The following UACA variants were observed in gnomAD, a reference collection of about 807,000 sequenced individuals.
The protein encoded by UACA is uveal autoantigen with coiled-coil domains and ankyrin repeats, also known as nuclear membrane binding protein.
In UACA, 112 loss-of-function variants were observed where a neutral mutation model predicts 160.5. The ratio of observed to expected loss-of-function variants is 0.70; its 90% CI spans 0.60 to 0.82. The LOEUF is 0.82. Ranked by LOEUF, UACA falls within the 40% of genes least tolerant of loss-of-function variation. The probability of loss-of-function intolerance (pLI) is 0.00; values close to 1 mark genes in which losing one functional copy is unlikely to be tolerated. For missense variants in UACA, 1,574 were observed against 1,614.6 expected (o/e 0.97, Z 0.43); for synonymous variants, 557 against 568.4 (o/e 0.98, Z 0.29).
In UACA at chr15:70,682,784, A is replaced by G. The variant is rs748578187; in HGVS notation, c.796T>C (p.Trp266Arg). 3.0e-5 allele frequency: 47 copies of G among 1,567,494 alleles called. No individual in the cohort carries two copies. Among genetic ancestry groups the G allele is most frequent in the Non-Finnish European group, 4.1e-5 (47 of 1,158,500 alleles). Residue 266 changes from tryptophan (W) to arginine (R), a missense_variant, in exon 9 of 19, where the codon TGG becomes CGG. By Grantham distance (101) the Trp-to-Arg change is moderately radical (BLOSUM62 -3). Transcript: ENST00000322954. ...TGTTGCAAAGATGGCCCTTTCTTCC[A>G]AAGTTCTCTCCCTAAGATTTAGAGA... ...SENTNKGREL[W>R]KKGPSLQQRN...
chr15:70,755,999 C>T (rs1239313852), intron 1 of UACA, among the ~76,000 whole-genome samples: 1 of 152,098 alleles, frequency 6.6e-6, no homozygotes, highest in Non-Finnish European at 1.5e-5. Context: ...CAATTTATAC[C>T]GACTTCTATA....
At chr15:70,770,741 G>T in the UACA span, among the ~76,000 whole-genome samples, 1 of 152,228 alleles carries the variant, frequency 6.6e-6, no homozygotes, top group South Asian at 2.1e-4. Context: ...TCAAGACATC[G>T]CATTTTAAGG....
In UACA at chr15:70,657,126, C is replaced by T. The variant is rs1157456909; in HGVS notation, c.4181G>A (p.Gly1394Asp). The T allele has an allele frequency of 6.2e-7, 1 of 1,613,566 alleles. No homozygotes were observed. The highest frequency in any genetic ancestry group is 1.7e-5 in the Admixed American group (1 of 59,996). The change falls in exon 19 of 19, where the codon GGT becomes GAT. Residue 1394 changes from glycine to aspartate, a missense_variant and splice_region_variant. Physicochemically the swap from Gly to Asp is moderately conservative, Grantham distance 94. Transcript: ENST00000322954. Reference sequence around the variant, plus strand: ...CTCCTGAACATCTTCATCCATGTGACCCTTCGGAGAAAGAAGAAAGAGGAG... The same window carrying T: ...CTCCTGAACATCTTCATCCATGTGATCCTTCGGAGAAAGAAGAAAGAGGAG... The part of the protein sequence containing the change: ...YRTHLLSAAQ[G>D]HMDEDVQEAL...
intron 1 of UACA, among the ~76,000 whole-genome samples, chr15:70,738,197 T>G (rs907969917): frequency 6.6e-6 from 1 of 152,058 alleles, no homozygotes; most frequent in African/African-American, 2.4e-5. Flanking sequence ...AAATCAGAAT[T>G]ACAATCACTT....
At chr15:70,716,455 T>C (rs546488549) in intron 1 of UACA, among the ~76,000 whole-genome samples, 1 of 152,268 alleles carries the variant, frequency 6.6e-6, no homozygotes, top group Non-Finnish European at 1.5e-5. Context: ...ATAAAATAGT[T>C]GTTATAAGCC....
At chr15:70,659,391 G>GTTTTTTTTTTTTTTTT (rs1375150038) in intron 18 of UACA, among the ~76,000 whole-genome samples, 17 of 9,958 alleles carry the variant, frequency 1.7e-3, no homozygotes, top group South Asian at 5.6e-3. Context: ...TTCATTTTTT[G>GTTTTTTTTTTTTTTTT]TTTGTTTTTT....
At chr15:70,677,211 G>T in intron 11 of UACA, 71 bp from the exon 12 acceptor site, 2 of 1,206,604 alleles carry the variant, frequency 1.7e-6, no homozygotes, top group Non-Finnish European at 2.4e-6. Context: ...ACTTGGCAAA[G>T]ATATTTTAAA....
chr15:70,706,928 A>G (rs1427723486), intron 1 of UACA, among the ~76,000 whole-genome samples: 1 of 152,208 alleles, frequency 6.6e-6, no homozygotes, highest in South Asian at 2.1e-4. Context: ...TTTTGCAGAA[A>G]TAGAAAAGTA....
rs1897423469 is a variant in UACA at position 70,679,665 on chromosome 15, T to C, written c.834A>G (p.Thr278=). ...TCACATTTACTTCATCTTGCATGTG[T>C]GTCAAATTTCGCTTTGGTAAAACAT... ...KGPSLQQRNL[T]HMQDEVNVKS... is the part of the protein sequence containing the mutation. The change falls in exon 10 of 19, where the codon ACA becomes ACG. Residue 278 remains threonine (T), a synonymous_variant. Coordinates refer to ENST00000322954, the MANE Select transcript of UACA (RefSeq NM_018003.4). 1.3e-6 allele frequency: 2 copies of C among 1,589,576 alleles called. No individual in the cohort carries two copies. Among genetic ancestry groups the C allele is most frequent in the Non-Finnish European group, 1.7e-6 (2 of 1,168,266 alleles).
At chr15:70,703,942 T>C (rs768065199) in intron 1 of UACA, among the ~76,000 whole-genome samples, 1 of 152,154 alleles carries the variant, frequency 6.6e-6, no homozygotes, top group Non-Finnish European at 1.5e-5. Context: ...GACCTCTACA[T>C]CTAAACGGCC....
intron 13 of UACA, among the ~76,000 whole-genome samples, chr15:70,675,397 T>C (rs1390641359): frequency 6.6e-6 from 1 of 152,244 alleles, no homozygotes; most frequent in Non-Finnish European, 1.5e-5. Flanking sequence ...CACATAAATA[T>C]GTACACATAT....
the UACA span, among the ~76,000 whole-genome samples, chr15:70,771,086 G>C: frequency 2.0e-5 from 3 of 152,152 alleles, no homozygotes; most frequent in Admixed American, 2.0e-4. Context: ...GTAGCTGTGC[G>C]GTCTATGCCA....
chr15:70,665,097 T>C (rs534259663), intron 16 of UACA, among the ~76,000 whole-genome samples: 2 of 152,288 alleles, frequency 1.3e-5, no homozygotes, highest in South Asian at 2.1e-4. Context: ...TTAGCTAATA[T>C]ATAAGCATCT....
the UACA span, among the ~76,000 whole-genome samples, chr15:70,773,830 C>T: frequency 1.3e-5 from 2 of 152,136 alleles, no homozygotes; most frequent in African/African-American, 4.8e-5. Context: ...CTTGGTCTGC[C>T]TGATCTATGA....
intron 18 of UACA, among the ~76,000 whole-genome samples, chr15:70,659,391 G>GTTTTT (rs1375150038): frequency 8.0e-4 from 8 of 9,960 alleles, no homozygotes; most frequent in African/African-American, 1.1e-3. Flanking sequence ...TTCATTTTTT[G>GTTTTT]TTTGTTTTTT....
intron 1 of UACA, among the ~76,000 whole-genome samples, chr15:70,739,199 A>C (rs968557384): frequency 3.9e-5 from 6 of 152,348 alleles, no homozygotes; most frequent in African/African-American, 1.2e-4. Context: ...AATGAAATGC[A>C]CAAAGGATAA....
chr15:70,747,226 GTGTTT>G (rs1293968758), intron 1 of UACA, among the ~76,000 whole-genome samples: 1 of 148,394 alleles, frequency 6.7e-6, no homozygotes, highest in African/African-American at 2.5e-5. Flanking sequence ...GAAACGAATG[GTGTTT>G]GTTTTTTGGG....
intron 1 of UACA, among the ~76,000 whole-genome samples, chr15:70,743,413 T>C (rs1224654453): frequency 6.6e-6 from 1 of 152,168 alleles, no homozygotes; most frequent in African/African-American, 2.4e-5. Flanking sequence ...GGGATTCAGG[T>C]GGAAAATTAA....
chr15:70,776,274 A>C, the UACA span, among the ~76,000 whole-genome samples: 1 of 152,212 alleles, frequency 6.6e-6, no homozygotes, highest in Non-Finnish European at 1.5e-5. Flanking sequence ...TAATTAATTT[A>C]TTTATTCATT....
Sources: allele counts gnomAD v4.1 joint callset (sites outside exome capture counted in the v4.1 genomes callset), GRCh38; gene constraint gnomAD v4.1.1; transcripts MANE v1.5; gene names NCBI Gene and HGNC (gene_info 2026-07-23, HGNC 2026-07-21).